Variants in TTYH2 observed in about 807,000 individuals in gnomAD.
The protein encoded by TTYH2 is protein tweety homolog 2.
In TTYH2, 49 loss-of-function variants were observed where a neutral mutation model predicts 68.3. The observed-to-expected ratio is 0.72, with a 90% CI of 0.57 to 0.91. The LOEUF (loss-of-function observed/expected upper bound fraction) is 0.91, where lower values mean the gene tolerates loss of function less well. Ranked by LOEUF, TTYH2 falls within the 40% of genes least tolerant of loss-of-function variation. The pLI is 0.00. For missense variants in TTYH2, 631 were observed against 700.4 expected, an observed-to-expected ratio of 0.90 and a Z score of 1.12; for synonymous variants, 272 against 300.8, an observed-to-expected ratio of 0.90 and a Z score of 0.99.
At position 74,215,853 on chromosome 17, in the gene TTYH2, G is replaced by A; in HGVS notation, c.129+2137G>A. 2.4e-6 allele frequency: 2 copies of A among 834,390 alleles called. No homozygotes were observed. The highest frequency in any genetic ancestry group is 3.7e-6 in the Non-Finnish European group (2 of 534,790). 51.7% of individuals were successfully genotyped at this position (834,390 alleles called of 1,614,324 possible). On this transcript the variant is annotated intron_variant, in intron 1 of 13. Transcript: ENST00000269346. This position sits in a 1 kb window ranked among gnomAD's most constrained non-coding sequence, Gnocchi z 4.3. ...CTGGAGCAAGTGCTATGCCAGGCGTGGGGTGACCGTGGTAACCAAGGCAGC... is the reference window on the plus strand; with the variant it reads ...CTGGAGCAAGTGCTATGCCAGGCGTAGGGTGACCGTGGTAACCAAGGCAGC...
rs745627404 is a variant in TTYH2, at chr17:74,260,648, C to G, written c.*439C>G. The G allele has an allele frequency of 4.9e-6, 1 of 205,782 alleles. No individual in the cohort carries two copies. The highest frequency in any genetic ancestry group is 2.2e-5 in the African/African-American group (1 of 44,480). 12.7% of individuals were successfully genotyped at this position (205,782 alleles called of 1,614,324 possible). ...AGAGCCCAGACGACCCCTCTGTCCTCGTTCCCTGTCCTCGTTCCCTGCAGG... is the reference window on the plus strand; with the variant it reads ...AGAGCCCAGACGACCCCTCTGTCCTGGTTCCCTGTCCTCGTTCCCTGCAGG... On this transcript the variant is annotated 3_prime_UTR_variant, in exon 14 of 14. Coordinates refer to ENST00000269346, the MANE Select transcript of TTYH2 (RefSeq NM_032646.6).
intron 6 of TTYH2, among the ~76,000 whole-genome samples, chr17:74,244,897 T>TGTG (rs2050541160): frequency 6.6e-6 from 1 of 152,040 alleles, no homozygotes; most frequent in African/African-American, 2.4e-5. Context: ...TGTGTGTGTG[T>TGTG]TCATGCACAT....
intron 2 of TTYH2, among the ~76,000 whole-genome samples, chr17:74,229,064 C>A (rs1250188971): frequency 3.9e-5 from 6 of 152,190 alleles, no homozygotes; most frequent in East Asian, 3.9e-4. Flanking sequence ...TTTAAGGAGG[C>A]AGGTGTCAGC....
At chr17:74,252,102 G>A (rs997072327) in intron 10 of TTYH2, 132 bp from the exon 11 acceptor site, 7 of 1,177,084 alleles carry the variant, frequency 5.9e-6, no homozygotes, top group African/African-American at 1.5e-5. Flanking sequence ...GGTGCTGCAA[G>A]GCGCTCGGGA....
At chr17:74,245,451 C>T (rs1291112844) in intron 6 of TTYH2, among the ~76,000 whole-genome samples, 1 of 152,248 alleles carries the variant, frequency 6.6e-6, no homozygotes. Flanking sequence ...TTCTGGGCAG[C>T]CTCTGCCTTC....
intron 10 of TTYH2, chr17:74,251,916 TG>T (rs2050634350): frequency 5.8e-6 from 2 of 341,972 alleles, no homozygotes; most frequent in Non-Finnish European, 1.1e-5. Context: ...TGCTGCTTCT[TG>T]CCATCCTGGC....
rs139010479 is a variant in TTYH2, at chr17:74,224,362, G to A, written c.302+1705G>A. 4.8e-3 allele frequency among the ~76,000 whole-genome samples: 735 copies of A among 152,032 alleles called. 2 individuals carry two copies. The highest frequency in any genetic ancestry group is 7.1e-3 in the Non-Finnish European group (480 of 67,956). On this transcript the variant is annotated intron_variant, in intron 2 of 13. Transcript: ENST00000269346. ...TGATCGCTCCATCGCACTCTAGCCT[G>A]GGTGATGTGAGACCCTGTCTCTTAC...
chr17:74,250,108 C>T lies in TTYH2; in HGVS notation c.1023+80C>T, dbSNP rs1026556824. Reference sequence around the variant, plus strand: ...CCCCTGCCCCGGCCCCAGGGCCAGGCTGTGCACAGCTTGCTGCTGGCTCTC... The same window carrying T: ...CCCCTGCCCCGGCCCCAGGGCCAGGTTGTGCACAGCTTGCTGCTGGCTCTC... On this transcript the variant is annotated intron_variant, in intron 9 of 13. Coordinates refer to ENST00000269346, the MANE Select transcript of TTYH2 (RefSeq NM_032646.6). The T allele has an allele frequency of 3.3e-6, 5 of 1,531,014 alleles. No individual in the cohort carries two copies. The Middle Eastern group carries it at 6.8e-4, about 208-fold the overall frequency. The allele number at this position is 1,531,014 out of a possible 1,614,324, so 94.8% of individuals were successfully genotyped here.
intron 3 of TTYH2, among the ~76,000 whole-genome samples, chr17:74,235,314 T>C (rs1165452182): frequency 6.6e-6 from 1 of 152,186 alleles, no homozygotes; most frequent in African/African-American, 2.4e-5. Flanking sequence ...TGTGTCGTTT[T>C]TATCTCCCAG....
intron 13 of TTYH2, among the ~76,000 whole-genome samples, chr17:74,254,037 C>T (rs1310292238): frequency 6.6e-6 from 1 of 152,194 alleles, no homozygotes; most frequent in Non-Finnish European, 1.5e-5. Context: ...CTTCCCCTAG[C>T]CAGGCAGGAA....
intron 3 of TTYH2, among the ~76,000 whole-genome samples, chr17:74,234,073 A>G (rs76786451): frequency 0.024 from 3,626 of 152,242 alleles, 158 homozygotes; most frequent in African/African-American, 0.082. Flanking sequence ...CCCTCCCAGA[A>G]GTTTTCATAC....
At chr17:74,225,504 G>T (rs1446842127) in intron 2 of TTYH2, among the ~76,000 whole-genome samples, 1 of 152,206 alleles carries the variant, frequency 6.6e-6, no homozygotes, top group Admixed American at 6.5e-5. Flanking sequence ...AGGCCGGCGG[G>T]AGTATTCGGA....
chr17:74,228,899 C>A (rs1393714439), intron 2 of TTYH2, among the ~76,000 whole-genome samples: 1 of 152,144 alleles, frequency 6.6e-6, no homozygotes, highest in East Asian at 1.9e-4. Context: ...GGGTCTGAAA[C>A]CTTAGTCCCA....
intron 3 of TTYH2, among the ~76,000 whole-genome samples, chr17:74,236,658 C>T (rs577195689): frequency 2.0e-4 from 30 of 152,338 alleles, no homozygotes; most frequent in African/African-American, 7.0e-4. Flanking sequence ...AGAGGCTAGA[C>T]CTGGCCTCAG....
chr17:74,248,695 C>T (rs748079240), intron 6 of TTYH2: 30 of 1,236,224 alleles, frequency 2.4e-5, no homozygotes, highest in African/African-American at 4.5e-5. Context: ...AAGAGGCATT[C>T]GGGAATAAGA....
At chr17:74,244,855 AGTGT>A (rs58119512) in intron 6 of TTYH2, among the ~76,000 whole-genome samples, 4,560 of 149,910 alleles carry the variant, frequency 0.03, 196 homozygotes, top group African/African-American at 0.098. Context: ...GTGGAGGTGC[AGTGT>A]GTGTGTGTGT....
At chr17:74,227,468 T>C (rs2050341841) in intron 2 of TTYH2, among the ~76,000 whole-genome samples, 1 of 152,202 alleles carries the variant, frequency 6.6e-6, no homozygotes, top group Non-Finnish European at 1.5e-5. Flanking sequence ...CAGAGCACAA[T>C]ACAATTGGTT....
chr17:74,230,472 T>C (rs1199568180), intron 2 of TTYH2, among the ~76,000 whole-genome samples: 1 of 152,112 alleles, frequency 6.6e-6, no homozygotes, highest in East Asian at 1.9e-4. Flanking sequence ...AGCTGTGGGC[T>C]CTGGGTGATG....
intron 3 of TTYH2, among the ~76,000 whole-genome samples, chr17:74,236,399 C>G (rs1354853153): frequency 6.6e-6 from 1 of 152,230 alleles, no homozygotes; most frequent in Admixed American, 6.5e-5. Context: ...AACATAGAGT[C>G]TGTTTCTCTA....
Sources: gnomAD v4.1 joint callset for allele counts (sites outside exome capture counted in the v4.1 genomes callset) on GRCh38, gnomAD v4.1.1 for gene constraint, Gnocchi (gnomAD v3.1) non-coding constraint, MANE v1.5 for transcripts, NCBI Gene and HGNC (gene_info 2026-07-23, HGNC 2026-07-21) for gene names.